Variants in ARHGAP31 observed in about 807,000 individuals in gnomAD.
The protein encoded by ARHGAP31 is Rho GTPase activating protein 31, also known as rho GTPase-activating protein 31.
Under a neutral mutation model 113.9 loss-of-function variants are expected in ARHGAP31, and 34 were observed. The observed-to-expected ratio is 0.30, with a 90% CI of 0.23 to 0.40. ARHGAP31 has a LOEUF of 0.40. Ranked by LOEUF, ARHGAP31 falls within the 10% of genes least tolerant of loss-of-function variation. ARHGAP31 has a pLI of 1.00. For synonymous variants in ARHGAP31, 650 were observed against 684.8 expected, an observed-to-expected ratio of 0.95 and a Z score of 0.79; for missense variants, 1,548 against 1,767.1, an observed-to-expected ratio of 0.88 and a Z score of 2.22.
chr3:119,402,267 C>T lies in ARHGAP31; in HGVS notation c.1515C>T (p.Asn505=). The change falls in exon 10 of 12, where the codon AAC becomes AAT. Residue 505 remains asparagine (N), a synonymous_variant. Coordinates refer to ENST00000264245, the MANE Select transcript of ARHGAP31 (RefSeq NM_020754.4). ...PLRVSAVIST[N]STPCRTPPKE... The stretch of plus-strand genomic sequence containing the variant: ...GCGTGTCCGCAGTCATCAGCACCAA[C>T]AGCACGCCGTGCAGAACACCCCCGA... 1.2e-6 allele frequency: 2 copies of T among 1,614,282 alleles called. No homozygotes were observed. The highest frequency in any genetic ancestry group is 1.7e-6 in the Non-Finnish European group (2 of 1,180,058).
At chr3:119,385,365 G>C (rs1296320943) in intron 6 of ARHGAP31, among the ~76,000 whole-genome samples, 1 of 152,028 alleles carries the variant, frequency 6.6e-6, no homozygotes, top group South Asian at 2.1e-4. Flanking sequence ...CTTAGTTTGG[G>C]TTGTTTCTGC....
intron 1 of ARHGAP31, among the ~76,000 whole-genome samples, chr3:119,360,639 A>T (rs890813999): frequency 6.6e-6 from 1 of 152,210 alleles, no homozygotes; most frequent in African/African-American, 2.4e-5. Flanking sequence ...TAAGTGTAAA[A>T]TATCTGTTAG....
chr3:119,344,050 G>GC (rs59396349), intron 1 of ARHGAP31, among the ~76,000 whole-genome samples: 57,024 of 152,088 alleles, frequency 0.37, 12,833 homozygotes, highest in African/African-American at 0.64. Flanking sequence ...CTGGCCGGGG[G>GC]CGCAAAGAGT....
intron 1 of ARHGAP31, among the ~76,000 whole-genome samples, chr3:119,303,693 G>A (rs773228776): frequency 6.6e-6 from 1 of 152,134 alleles, no homozygotes; most frequent in Non-Finnish European, 1.5e-5. Flanking sequence ...CTAGGATTCC[G>A]GCAAACCGTA....
chr3:119,332,052 T>C (rs1007434533), intron 1 of ARHGAP31, among the ~76,000 whole-genome samples: 8 of 152,296 alleles, frequency 5.3e-5, no homozygotes, highest in South Asian at 2.1e-4. Context: ...CATCTACTTC[T>C]GCTTGAAGCC....
In ARHGAP31 at chr3:119,337,545, T is replaced by G. The variant is rs548978375; in HGVS notation, c.101-27771T>G. Among the ~76,000 whole-genome samples, 3 of 152,320 alleles carry G rather than the reference T, an allele frequency of 2.0e-5. No homozygotes were observed. In the East Asian group the frequency reaches 5.8e-4, roughly 29 times the overall value. On this transcript the variant is annotated intron_variant, in intron 1 of 11. Coordinates refer to ENST00000264245, the MANE Select transcript of ARHGAP31 (RefSeq NM_020754.4). ...GCCACTGTGGGTGCCAGTGGCCTGC[T>G]TTTATTCCCTTATTTGGCCCCACCC...
At chr3:119,355,428 C>A (rs573496803) in intron 1 of ARHGAP31, among the ~76,000 whole-genome samples, 1 of 151,826 alleles carries the variant, frequency 6.6e-6, no homozygotes, top group South Asian at 2.1e-4. Context: ...AGAAAAATGA[C>A]CAAGCTCCTG....
chr3:119,400,622 T>C (rs976608664), intron 9 of ARHGAP31, among the ~76,000 whole-genome samples: 10 of 152,186 alleles, frequency 6.6e-5, no homozygotes, highest in Admixed American at 2.0e-4. Context: ...TTTCAACATA[T>C]AGGTTTTTAT....
chr3:119,356,590 T>A (rs2080159225), intron 1 of ARHGAP31, among the ~76,000 whole-genome samples: 1 of 149,978 alleles, frequency 6.7e-6, no homozygotes, highest in African/African-American at 2.5e-5. Context: ...GAGATTGTGC[T>A]ACTGCACCCC....
chr3:119,368,302 C>T (rs1438440896), intron 2 of ARHGAP31, 70 bp from the exon 3 acceptor site: 30 of 1,598,218 alleles, frequency 1.9e-5, no homozygotes, highest in Non-Finnish European at 2.5e-5. Flanking sequence ...TACCCCTAAG[C>T]AGCCAAGCAG....
chr3:119,367,862 AAAG>A (rs1485444323), intron 2 of ARHGAP31, among the ~76,000 whole-genome samples: 5 of 151,270 alleles, frequency 3.3e-5, no homozygotes, highest in Non-Finnish European at 4.4e-5. Context: ...ATCTCAAAAA[AAAG>A]AAAAAAAAAA....
intron 1 of ARHGAP31, among the ~76,000 whole-genome samples, chr3:119,334,672 T>C (rs1468996277): frequency 1.3e-5 from 2 of 152,358 alleles, no homozygotes; most frequent in Admixed American, 6.5e-5. Flanking sequence ...TTCCAGGTTG[T>C]AGTCAACCTG....
chr3:119,376,112 G>A (rs1704411960), intron 3 of ARHGAP31, among the ~76,000 whole-genome samples: 1 of 149,242 alleles, frequency 6.7e-6, no homozygotes, highest in African/African-American at 2.5e-5. Flanking sequence ...GTGTTTCCCT[G>A]CTTGCTAGCT....
chr3:119,319,716 T>C (rs1453410612), intron 1 of ARHGAP31, among the ~76,000 whole-genome samples: 1 of 152,250 alleles, frequency 6.6e-6, no homozygotes, highest in African/African-American at 2.4e-5. Flanking sequence ...TCCCCCTCTT[T>C]CCCTATAATC....
At chr3:119,345,296 TA>T (rs112416777) in intron 1 of ARHGAP31, among the ~76,000 whole-genome samples, 2,792 of 152,248 alleles carry the variant, frequency 0.018, 49 homozygotes, top group East Asian at 0.06. Flanking sequence ...CGGTGGGATT[TA>T]AAAAAAATTT....
intron 1 of ARHGAP31, among the ~76,000 whole-genome samples, chr3:119,331,694 GC>G (rs2079892938): frequency 6.6e-6 from 1 of 152,168 alleles, no homozygotes; most frequent in Non-Finnish European, 1.5e-5. Context: ...CACCTCTTCA[GC>G]CATTTTGAGG....
chr3:119,399,120 C>T (rs976246311), intron 8 of ARHGAP31, 79 bp from the exon 9 acceptor site: 28 of 1,352,972 alleles, frequency 2.1e-5, no homozygotes, highest in Non-Finnish European at 2.8e-5. Flanking sequence ...GTCTTGGGTA[C>T]TTAAACAGCC....
At position 119,415,947 on chromosome 3, in the gene ARHGAP31, A is replaced by G. The variant is rs763397787; in HGVS notation, c.4018A>G (p.Arg1340Gly). Residue 1340 changes from arginine to glycine, a missense_variant, in exon 12 of 12, where the codon AGG becomes GGG. Transcript: ENST00000264245. Reference protein sequence around the residue: ...SGGSKPFHRSRPGRPQSLILF... With the variant: ...SGGSKPFHRSGPGRPQSLILF... ...GGGTTCTAAGCCTTTCCACAGGTCA[A>G]GGCCAGGAAGACCTCAGAGCCTAAT... 4.3e-6 allele frequency: 7 copies of G among 1,614,076 alleles called. No individual in the cohort carries two copies. In the East Asian group the frequency reaches 1.3e-4, roughly 31 times the overall value.
intron 1 of ARHGAP31, among the ~76,000 whole-genome samples, chr3:119,298,382 C>T (rs2079551864): frequency 6.6e-6 from 1 of 152,194 alleles, no homozygotes; most frequent in South Asian, 2.1e-4. Context: ...CATCATGTTG[C>T]TGTCTGTGGT....
Sources: allele counts gnomAD v4.1 joint callset (sites outside exome capture counted in the v4.1 genomes callset), GRCh38; gene constraint gnomAD v4.1.1; transcripts MANE v1.5; gene names NCBI Gene and HGNC (gene_info 2026-07-23, HGNC 2026-07-21).